PLEKHA5: variants seen among roughly 807,000 people sequenced by gnomAD.
The protein encoded by PLEKHA5 is pleckstrin homology domain-containing family A member 5.
In PLEKHA5, 55 loss-of-function variants were observed where a neutral mutation model predicts 181.9. That is an observed-to-expected ratio of 0.30 (90% CI 0.24 to 0.38). The LOEUF (loss-of-function observed/expected upper bound fraction) is 0.38, where lower values mean the gene tolerates loss of function less well. PLEKHA5 is among the 10% of genes least tolerant of loss of function. The probability of loss-of-function intolerance (pLI) is 1.00; values close to 1 mark genes in which losing one functional copy is unlikely to be tolerated. For missense variants in PLEKHA5, 1,432 were observed against 1,549.5 expected (o/e 0.92, Z 1.27); for synonymous variants, 535 against 529.4 (o/e 1.01, Z -0.15).
chr12:19,294,473 T>A (rs998922542), intron 15 of PLEKHA5, among the ~76,000 whole-genome samples: 4 of 152,140 alleles, frequency 2.6e-5, no homozygotes, highest in African/African-American at 9.7e-5. Flanking sequence ...AAGGCTCTGG[T>A]CACATTTTAT....
At chr12:19,326,750 C>G (rs1374979463) in intron 20 of PLEKHA5, among the ~76,000 whole-genome samples, 1 of 152,176 alleles carries the variant, frequency 6.6e-6, no homozygotes, top group Non-Finnish European at 1.5e-5. Flanking sequence ...TCCCCAGTTT[C>G]ACTGTTACCA....
At position 19,260,969 on chromosome 12, in the gene PLEKHA5, G is replaced by A. The variant is rs1327057496; in HGVS notation, c.558G>A (p.Leu186=). Residue 186 remains leucine, a synonymous_variant, in exon 7 of 32, where the codon TTG becomes TTA. Coordinates refer to ENST00000429027, the MANE Select transcript of PLEKHA5 (RefSeq NM_001256470.2). ...LYKQDSTGMK[L]WKKRWFVLSD... ...TCCAGGACAGTACTGGCATGAAATT[G>A]TGGAAGAAACGCTGGTTTGTGCTTT... The A allele has an allele frequency of 2.5e-6, 4 of 1,600,664 alleles. No homozygotes were observed. Among genetic ancestry groups the A allele is most frequent in the East Asian group, 2.2e-5 (1 of 44,730 alleles).
chr12:19,252,224 C>CT (rs2065526787), intron 3 of PLEKHA5, among the ~76,000 whole-genome samples: 1 of 152,072 alleles, frequency 6.6e-6, no homozygotes, highest in Non-Finnish European at 1.5e-5. Flanking sequence ...GGAAAAAGAA[C>CT]TTAAGCATAT....
chr12:19,280,299 G>A (rs1199956732), intron 11 of PLEKHA5, among the ~76,000 whole-genome samples: 1 of 152,062 alleles, frequency 6.6e-6, no homozygotes, highest in Non-Finnish European at 1.5e-5. Flanking sequence ...GCCTCCCAAA[G>A]TGCTGGGATT....
At chr12:19,261,637 A>G (rs879086601) in intron 7 of PLEKHA5, among the ~76,000 whole-genome samples, 1 of 152,194 alleles carries the variant, frequency 6.6e-6, no homozygotes, top group Admixed American at 6.5e-5. Flanking sequence ...CTCTCCGGAA[A>G]AGTCTGTCTC....
intron 28 of PLEKHA5, among the ~76,000 whole-genome samples, chr12:19,360,990 C>T (rs1051047316): frequency 6.6e-6 from 1 of 152,060 alleles, no homozygotes. Context: ...CTCCTGACCT[C>T]GTGATCTGCC....
intron 12 of PLEKHA5, among the ~76,000 whole-genome samples, chr12:19,286,098 T>C (rs1394625753): frequency 1.3e-5 from 2 of 152,250 alleles, no homozygotes; most frequent in African/African-American, 2.4e-5. Flanking sequence ...TTGAAAATCA[T>C]GTATCTGCCA....
At chr12:19,201,347 G>A (rs2054134706) in intron 3 of PLEKHA5, 1 of 152,056 alleles carries the variant, frequency 6.6e-6, no homozygotes, top group Non-Finnish European at 1.5e-5. Flanking sequence ...ATCAAGTATT[G>A]CGGAGAATGT....
At chr12:19,176,041 T>TA (rs1018999453) in intron 3 of PLEKHA5, among the ~76,000 whole-genome samples, 58 of 151,984 alleles carry the variant, frequency 3.8e-4, no homozygotes, top group African/African-American at 1.3e-3. Flanking sequence ...GTCTAGATGT[T>TA]AAAAAAAATT....
intron 21 of PLEKHA5, among the ~76,000 whole-genome samples, chr12:19,340,511 G>T (rs554045328): frequency 1.7e-4 from 24 of 140,472 alleles, no homozygotes; most frequent in South Asian, 4.7e-4. Flanking sequence ...GGAATAGAAA[G>T]GGGGGAAAGG....
At chr12:19,167,227 G>A (rs2044605025) in intron 3 of PLEKHA5, among the ~76,000 whole-genome samples, 1 of 152,032 alleles carries the variant, frequency 6.6e-6, no homozygotes, top group Non-Finnish European at 1.5e-5. Flanking sequence ...TAGAGCCAGA[G>A]AGGTAAAAAG....
rs2076701361 is a variant in PLEKHA5, at chr12:19,283,982, T to G, written c.1779+237T>G. Reference sequence around the variant, plus strand: ...CACAGGAGCAGTTCTTTTGAGCAGATGCATTCTGTTTTCTCTGCTTGATAC... The same window carrying G: ...CACAGGAGCAGTTCTTTTGAGCAGAGGCATTCTGTTTTCTCTGCTTGATAC... On this transcript the variant is annotated intron_variant, in intron 12 of 31. Transcript: ENST00000429027. Among the ~76,000 whole-genome samples the G allele has an allele frequency of 2.0e-5, 3 of 152,332 alleles. No homozygotes were observed. The South Asian group carries it at 6.2e-4, about 32-fold the overall frequency.
intron 3 of PLEKHA5, among the ~76,000 whole-genome samples, chr12:19,159,797 A>G (rs888641391): frequency 6.6e-6 from 1 of 152,182 alleles, no homozygotes; most frequent in African/African-American, 2.4e-5. Context: ...TGAAATAAAT[A>G]CTCAAAAGTA....
chr12:19,149,842 A>T (rs2039952532), intron 3 of PLEKHA5: 1 of 152,204 alleles, frequency 6.6e-6, no homozygotes, highest in Non-Finnish European at 1.5e-5. Context: ...TGAGGCCTAG[A>T]TTCAGAACTG....
intron 23 of PLEKHA5, among the ~76,000 whole-genome samples, chr12:19,346,185 T>C (rs1423647255): frequency 6.6e-6 from 1 of 152,216 alleles, no homozygotes; most frequent in Non-Finnish European, 1.5e-5. Flanking sequence ...TTTCTTATAC[T>C]ATGTAAAATT....
intron 10 of PLEKHA5, among the ~76,000 whole-genome samples, chr12:19,272,346 C>G (rs902785038): frequency 4.6e-5 from 7 of 151,930 alleles, no homozygotes; most frequent in African/African-American, 1.7e-4. Flanking sequence ...CAGCTTTGTT[C>G]CATTTAGAGA....
At chr12:19,327,415 T>C (rs539732285) in intron 20 of PLEKHA5, among the ~76,000 whole-genome samples, 35 of 151,960 alleles carry the variant, frequency 2.3e-4, no homozygotes, top group Non-Finnish European at 3.1e-4. Flanking sequence ...TTCATGTCTT[T>C]TGCCCATTTT....
intron 3 of PLEKHA5, among the ~76,000 whole-genome samples, chr12:19,163,526 T>G (rs536627757): frequency 6.6e-6 from 1 of 152,262 alleles, no homozygotes; most frequent in South Asian, 2.1e-4. Context: ...GTGGAGGCCC[T>G]GAGAGTCTAT....
At chr12:19,146,347 T>C (rs2038913402) in intron 3 of PLEKHA5, among the ~76,000 whole-genome samples, 1 of 152,232 alleles carries the variant, frequency 6.6e-6, no homozygotes, top group Admixed American at 6.5e-5. Context: ...GTAAATTTCC[T>C]GTTTCACATA....
Sources: gnomAD v4.1 joint callset for allele counts (sites outside exome capture counted in the v4.1 genomes callset) on GRCh38, gnomAD v4.1.1 for gene constraint, MANE v1.5 for transcripts, NCBI Gene and HGNC (gene_info 2026-07-23, HGNC 2026-07-21) for gene names.